The following ISM1 variants were observed in gnomAD, a reference collection of about 807,000 sequenced individuals.
ISM1 encodes the protein isthmin-1.
Under a neutral mutation model 46.3 loss-of-function variants are expected in ISM1, and 25 were observed. The observed-to-expected ratio is 0.54, with a 90% CI of 0.39 to 0.75. The LOEUF is 0.75. ISM1 is among the 30% of genes least tolerant of loss of function. ISM1 has a pLI of 0.00. For synonymous variants in ISM1, 255 were observed against 256.7 expected (o/e 0.99, Z 0.06); for missense variants, 536 against 625.4 (o/e 0.86, Z 1.52).
intron 1 of ISM1, among the ~76,000 whole-genome samples, chr20:13,264,695 T>G (rs1374954644): frequency 6.6e-6 from 1 of 152,220 alleles, no homozygotes; most frequent in Non-Finnish European, 1.5e-5. Context: ...AGCTATGCAG[T>G]GGCTGGAGGC....
chr20:13,288,036 T>A (rs6078975), intron 3 of ISM1, among the ~76,000 whole-genome samples: 39,110 of 152,064 alleles, frequency 0.26, 5,457 homozygotes, highest in South Asian at 0.36. Flanking sequence ...GTCCATGTGA[T>A]GTCCCATAAT....
At chr20:13,302,958 A>G (rs1198115332), downstream of ISM1, among the ~76,000 whole-genome samples, 1 of 152,238 alleles carries the variant, frequency 6.6e-6, no homozygotes, top group African/African-American at 2.4e-5. Flanking sequence ...CCAAGAGGGT[A>G]GAGTTCTCTG....
chr20:13,314,902 A>T, the ISM1 span, among the ~76,000 whole-genome samples: 4 of 152,228 alleles, frequency 2.6e-5, no homozygotes, highest in South Asian at 8.3e-4. Flanking sequence ...GATGAGATGG[A>T]AGAATTAGAA....
the ISM1 span, among the ~76,000 whole-genome samples, chr20:13,307,741 C>A: frequency 6.6e-6 from 1 of 152,224 alleles, no homozygotes; most frequent in African/African-American, 2.4e-5. Context: ...TTGTGAAATT[C>A]TTCCATATCG....
At chr20:13,288,509 G>A (rs2040317226) in intron 3 of ISM1, 31 bp from the exon 4 acceptor site, 1 of 1,609,118 alleles carries the variant, frequency 6.2e-7, no homozygotes, top group Non-Finnish European at 8.5e-7. Flanking sequence ...TTTGGCCAAA[G>A]TTGATGACCA....
chr20:13,264,740 T>C (rs2040024771), intron 1 of ISM1, among the ~76,000 whole-genome samples: 1 of 152,226 alleles, frequency 6.6e-6, no homozygotes. Flanking sequence ...GACCAGGATG[T>C]ACTCAGTATA....
At chr20:13,305,860 G>T in the ISM1 span, among the ~76,000 whole-genome samples, 1 of 152,052 alleles carries the variant, frequency 6.6e-6, no homozygotes, top group Non-Finnish European at 1.5e-5. Flanking sequence ...TCTGTGTAGA[G>T]ATTTAAAAAA....
intron 4 of ISM1, 43 bp downstream of exon 4, chr20:13,288,726 C>T: frequency 6.4e-7 from 1 of 1,558,406 alleles, no homozygotes; most frequent in Non-Finnish European, 8.7e-7. Context: ...AAGGGGAAAG[C>T]TTTTTAATTT....
the ISM1 span, among the ~76,000 whole-genome samples, chr20:13,307,498 C>T: frequency 6.6e-6 from 1 of 152,108 alleles, no homozygotes; most frequent in Non-Finnish European, 1.5e-5. Flanking sequence ...CTGAAGTGTA[C>T]ACTTTTTAAA....
chr20:13,274,857 C>T (rs900222283), intron 2 of ISM1, among the ~76,000 whole-genome samples: 4 of 152,090 alleles, frequency 2.6e-5, no homozygotes, highest in Non-Finnish European at 4.4e-5. Flanking sequence ...GAAGAAAATG[C>T]GCAAAATAGA....
chr20:13,232,673 GTTGTATGT>G (rs1319845105), intron 1 of ISM1, among the ~76,000 whole-genome samples: 1 of 152,198 alleles, frequency 6.6e-6, no homozygotes, highest in Non-Finnish European at 1.5e-5. Flanking sequence ...TCATATAGCA[GTTGTATGT>G]TTAGCTTATT....
chr20:13,307,248 T>A, the ISM1 span, among the ~76,000 whole-genome samples: 1 of 152,222 alleles, frequency 6.6e-6, no homozygotes, highest in Non-Finnish European at 1.5e-5. Flanking sequence ...CAATTGGCCA[T>A]CCTTTGGGCC....
intron 5 of ISM1, 84 bp downstream of exon 5, chr20:13,292,547 C>T (rs2040364850): frequency 1.2e-6 from 1 of 826,580 alleles, no homozygotes; most frequent in Admixed American, 2.3e-5. Context: ...TCCTTGGATC[C>T]ACGTAAATGT....
At chr20:13,293,169 C>T (rs1293741943) in intron 5 of ISM1, among the ~76,000 whole-genome samples, 2 of 144,004 alleles carry the variant, frequency 1.4e-5, no homozygotes, top group Admixed American at 7.2e-5. Context: ...CACTGCACTC[C>T]AGCACTCCAG....
chr20:13,223,162 A>AAAAAAT (rs1555807186), intron 1 of ISM1, among the ~76,000 whole-genome samples: 23 of 145,988 alleles, frequency 1.6e-4, no homozygotes, highest in African/African-American at 6.0e-4. Context: ...GTCTCAAAAA[A>AAAAAAT]AAAATAAAAT....
the ISM1 span, among the ~76,000 whole-genome samples, chr20:13,310,885 G>A: frequency 1.3e-5 from 2 of 152,168 alleles, no homozygotes. Flanking sequence ...TACCTGTAAG[G>A]AAGATGTTTA....
chr20:13,251,427 A>G (rs1351901116), intron 1 of ISM1, among the ~76,000 whole-genome samples: 2 of 152,228 alleles, frequency 1.3e-5, no homozygotes, highest in Admixed American at 6.5e-5. Flanking sequence ...GAGATCAAAC[A>G]TGCGTCGTGG....
the ISM1 span, among the ~76,000 whole-genome samples, chr20:13,316,836 C>A: frequency 5.5e-4 from 83 of 151,832 alleles, no homozygotes; most frequent in African/African-American, 1.8e-3. Context: ...TAATACTTAG[C>A]GGTAAGAAAC....
intron 1 of ISM1, among the ~76,000 whole-genome samples, chr20:13,241,043 A>C (rs2039715724): frequency 6.6e-6 from 1 of 152,178 alleles, no homozygotes; most frequent in South Asian, 2.1e-4. Flanking sequence ...TGTGTCACAG[A>C]AGCCAGGGGA....
Sources: allele counts gnomAD v4.1 joint callset (sites outside exome capture counted in the v4.1 genomes callset), GRCh38; gene constraint gnomAD v4.1.1; transcripts MANE v1.5; gene names NCBI Gene and HGNC (gene_info 2026-07-23, HGNC 2026-07-21).